HUNK: variants seen among roughly 807,000 people sequenced by gnomAD.
The protein encoded by HUNK is hormonally up-regulated Neu-associated kinase, also known as hormonally up-regulated neu tumor-associated kinase.
A neutral mutation model predicts 61.0 loss-of-function variants in HUNK; 21 were observed. That is an observed-to-expected ratio of 0.34 (90% CI 0.24 to 0.50). HUNK has a LOEUF of 0.50. Among genes scored for constraint, HUNK ranks in the 20% least tolerant of loss-of-function variants. The pLI is 0.98. For synonymous variants in HUNK, 371 were observed against 386.1 expected (o/e 0.96, Z 0.46); for missense variants, 772 against 945.7 (o/e 0.82, Z 2.41).
intron 1 of HUNK, among the ~76,000 whole-genome samples, chr21:31,912,375 G>A (rs1325350362): frequency 6.6e-6 from 1 of 152,202 alleles, no homozygotes; most frequent in Non-Finnish European, 1.5e-5. Context: ...GATCCCAGCA[G>A]GGGTCTGGAG....
intron 4 of HUNK, among the ~76,000 whole-genome samples, chr21:31,950,080 A>G (rs181833510): frequency 6.6e-6 from 1 of 152,266 alleles, no homozygotes; most frequent in African/African-American, 2.4e-5. Flanking sequence ...ACCACCCTCT[A>G]CTGCATCTGT....
In HUNK at chr21:31,958,791, C is replaced by T. The variant is rs185724295; in HGVS notation, c.747-52C>T. ...CGGTGAAGCCCGTGTCCCCAGTCTT[C>T]CCCTCCCCAGGGGACCTGACTCCGC... On this transcript the variant is annotated intron_variant, in intron 4 of 10. Coordinates refer to ENST00000270112, the MANE Select transcript of HUNK (RefSeq NM_014586.2). 5.3e-6 allele frequency: 8 copies of T among 1,510,682 alleles called. No individual in the cohort carries two copies. In the South Asian group the frequency reaches 8.9e-5, roughly 17 times the overall value. The allele number at this position is 1,510,682 out of a possible 1,614,324, so 93.6% of individuals were successfully genotyped here.
chr21:31,968,467 G>C, intron 6 of HUNK, 82 bp downstream of exon 6: 1 of 1,532,712 alleles, frequency 6.5e-7, no homozygotes, highest in Non-Finnish European at 8.9e-7. Context: ...ACAGAAAGCT[G>C]TCCGTGATTG....
chr21:31,884,893 T>G (rs1450072502), intron 1 of HUNK, among the ~76,000 whole-genome samples: 1 of 152,042 alleles, frequency 6.6e-6, no homozygotes, highest in African/African-American at 2.4e-5. Context: ...TTCTCCTGTC[T>G]CAGCCTCCCG....
At chr21:31,926,285 G>A (rs1012039483) in intron 2 of HUNK, among the ~76,000 whole-genome samples, 1 of 152,076 alleles carries the variant, frequency 6.6e-6, no homozygotes, top group African/African-American at 2.4e-5. Flanking sequence ...TTATGTGTGT[G>A]TATATATATA....
intron 2 of HUNK, among the ~76,000 whole-genome samples, chr21:31,927,528 C>T (rs1356408426): frequency 1.3e-5 from 2 of 151,978 alleles, no homozygotes; most frequent in Non-Finnish European, 2.9e-5. Context: ...CCTGTAGTGC[C>T]AGCTACTCTG....
intron 2 of HUNK, among the ~76,000 whole-genome samples, chr21:31,935,371 G>GCA (rs2052726663): frequency 6.6e-6 from 1 of 152,066 alleles, no homozygotes; most frequent in African/African-American, 2.4e-5. Flanking sequence ...TGTTCCCCTG[G>GCA]CACATTTGTT....
chr21:31,971,471 T>TA (rs535644821), intron 6 of HUNK, among the ~76,000 whole-genome samples: 17 of 152,202 alleles, frequency 1.1e-4, no homozygotes, highest in Non-Finnish European at 2.2e-4. Flanking sequence ...ATGTATTTTT[T>TA]ATATTTATTT....
At chr21:31,998,493 C>A (rs750831963) in intron 10 of HUNK, 33 bp from the exon 11 acceptor site, 1 of 1,540,854 alleles carries the variant, frequency 6.5e-7, no homozygotes, top group East Asian at 2.3e-5. Context: ...GTCCGGACGT[C>A]CTCATGATTG....
chr21:31,953,386 C>T (rs769353329), intron 4 of HUNK, among the ~76,000 whole-genome samples: 7 of 152,072 alleles, frequency 4.6e-5, no homozygotes, highest in Non-Finnish European at 7.4e-5. Context: ...AGGCATGCAC[C>T]GCCAAGCCCA....
chr21:31,926,302 C>A lies in HUNK; in HGVS notation c.554+1542C>A, dbSNP rs565589126. On this transcript the variant is annotated intron_variant, in intron 2 of 10. Coordinates refer to ENST00000270112, the MANE Select transcript of HUNK (RefSeq NM_014586.2). ...ATGTGTGTGTATATATATAAACATGCACACACGTGTGCACATGTATGTTTA... is the reference window on the plus strand; with the variant it reads ...ATGTGTGTGTATATATATAAACATGAACACACGTGTGCACATGTATGTTTA... 1.5e-3 allele frequency among the ~76,000 whole-genome samples: 227 copies of A among 152,284 alleles called. 1 individual carries two copies. The highest frequency in any genetic ancestry group is 5.2e-3 in the African/African-American group (217 of 41,558).
chr21:31,965,059 C>G (rs2052953748), intron 5 of HUNK, among the ~76,000 whole-genome samples: 1 of 152,078 alleles, frequency 6.6e-6, no homozygotes, highest in African/African-American at 2.4e-5. Flanking sequence ...CAGTTAAGAT[C>G]TAAATGACTC....
chr21:31,983,733 A>C, intron 8 of HUNK, 124 bp downstream of exon 8: 3 of 674,000 alleles, frequency 4.5e-6, no homozygotes, highest in Non-Finnish European at 7.7e-6. Flanking sequence ...ACTTACGCTC[A>C]TAACTGAGCC....
At chr21:31,888,981 G>A (rs893432684) in intron 1 of HUNK, among the ~76,000 whole-genome samples, 5 of 152,068 alleles carry the variant, frequency 3.3e-5, no homozygotes, top group African/African-American at 7.2e-5. Context: ...GCTCTGGTTC[G>A]CATCAGTCTA....
chr21:31,874,239 C>G (rs1365047680), intron 1 of HUNK, among the ~76,000 whole-genome samples: 3 of 144,816 alleles, frequency 2.1e-5, no homozygotes, highest in East Asian at 2.2e-4. Flanking sequence ...GCGCGGGGGG[C>G]GGGATGGGGC....
At chr21:31,969,941 T>C (rs2052998647) in intron 6 of HUNK, among the ~76,000 whole-genome samples, 2 of 152,132 alleles carry the variant, frequency 1.3e-5, no homozygotes, top group South Asian at 4.1e-4. Context: ...GGGCCCTTAT[T>C]TTGGCTGTTT....
At chr21:31,926,392 G>GT (rs1447972294) in intron 2 of HUNK, among the ~76,000 whole-genome samples, 6 of 152,062 alleles carry the variant, frequency 3.9e-5, no homozygotes, top group Non-Finnish European at 5.9e-5. Context: ...ATAATCTAGT[G>GT]TTTTTTAGTG....
rs59940407 is a variant in HUNK, at chr21:31,926,177, C to T, written c.554+1417C>T. ...AGGTGATCCGCCCTCCTCGGCCTCC[C>T]GAAGTGCTGGGATTACAGGCGTGAG... On this transcript the variant is annotated intron_variant, in intron 2 of 10. Coordinates refer to ENST00000270112, the MANE Select transcript of HUNK (RefSeq NM_014586.2). 8.1e-4 allele frequency among the ~76,000 whole-genome samples: 123 copies of T among 152,260 alleles called. 2 individuals carry two copies. The East Asian group carries it at 0.019, about 23-fold the overall frequency.
intron 6 of HUNK, among the ~76,000 whole-genome samples, chr21:31,972,600 G>A (rs1390152622): frequency 1.3e-5 from 2 of 152,082 alleles, no homozygotes; most frequent in Non-Finnish European, 2.9e-5. Context: ...ACTGCTCTTG[G>A]GATTCCCAGG....
Sources: allele counts gnomAD v4.1 joint callset (sites outside exome capture counted in the v4.1 genomes callset), GRCh38; gene constraint gnomAD v4.1.1; transcripts MANE v1.5; gene names NCBI Gene and HGNC (gene_info 2026-07-23, HGNC 2026-07-21).